Variants in PTPRT observed in about 807,000 individuals in gnomAD.
PTPRT encodes receptor-type tyrosine-protein phosphatase T.
PTPRT carries 56 observed loss-of-function variants against 176.8 expected under a neutral mutation model. The ratio of observed to expected loss-of-function variants is 0.32; its 90% CI spans 0.26 to 0.40. The LOEUF (loss-of-function observed/expected upper bound fraction) is 0.40. Among genes scored for constraint, PTPRT ranks in the 10% least tolerant of loss-of-function variants. PTPRT has a pLI of 1.00. For synonymous variants in PTPRT, 783 were observed against 739.0 expected (o/e 1.06, Z -0.96); for missense variants, 1,540 against 1,908.2 (o/e 0.81, Z 3.60).
At chr20:43,182,965 C>T (rs756345739) in intron 1 of PTPRT, among the ~76,000 whole-genome samples, 2 of 152,152 alleles carry the variant, frequency 1.3e-5, no homozygotes, top group Admixed American at 6.5e-5. Flanking sequence ...CTATTCTCTC[C>T]CCCACAAATC....
chr20:42,243,111 CAG>C (rs375980354), intron 14 of PTPRT, among the ~76,000 whole-genome samples: 5 of 150,792 alleles, frequency 3.3e-5, no homozygotes, highest in South Asian at 2.1e-4. Flanking sequence ...GACAGAGAGA[CAG>C]AGAGAGAGAG....
At chr20:42,592,024 G>T (rs1286698623) in intron 7 of PTPRT, among the ~76,000 whole-genome samples, 1 of 136,128 alleles carries the variant, frequency 7.3e-6, no homozygotes, top group Non-Finnish European at 1.5e-5. Context: ...CTGTTGCCCA[G>T]GCTGGAGTGC....
Position 42,649,728 on chromosome 20 carries a change from T to G in PTPRT, c.1153+28138A>C, listed in dbSNP as rs2074994828. On this transcript the variant is annotated intron_variant, in intron 7 of 30. Coordinates refer to ENST00000373187, the MANE Select transcript of PTPRT (RefSeq NM_007050.6). Reference sequence around the variant, plus strand: ...TTTACTGCAAAAAGTGTTTGCTGGTTGAGAGCAGACATATCCCTCCCTCAA... The same window carrying G: ...TTTACTGCAAAAAGTGTTTGCTGGTGGAGAGCAGACATATCCCTCCCTCAA... Among the ~76,000 whole-genome samples, 3 of 152,288 alleles carry G rather than the reference T, an allele frequency of 2.0e-5. No individual in the cohort carries two copies. The South Asian group carries it at 6.2e-4, about 32-fold the overall frequency.
intron 6 of PTPRT, among the ~76,000 whole-genome samples, chr20:42,682,191 T>C (rs1026702560): frequency 4.6e-5 from 7 of 152,352 alleles, no homozygotes; most frequent in Middle Eastern, 6.8e-3. Flanking sequence ...TATAACCATT[T>C]CTGTATCTTA....
chr20:43,130,543 A>T (rs1345064518), intron 1 of PTPRT, among the ~76,000 whole-genome samples: 1 of 152,206 alleles, frequency 6.6e-6, no homozygotes, highest in African/African-American at 2.4e-5. Flanking sequence ...TGACTTCTGA[A>T]TAGATTCAAT....
downstream of PTPRT, among the ~76,000 whole-genome samples, chr20:42,071,272 A>C (rs894980636): frequency 1.3e-4 from 20 of 152,212 alleles, no homozygotes; most frequent in Admixed American, 1.3e-3. Context: ...CCAAGGAGTC[A>C]GGTTCTAGTT....
intron 2 of PTPRT, among the ~76,000 whole-genome samples, chr20:42,859,427 C>T (rs565712497): frequency 6.6e-6 from 1 of 152,244 alleles, no homozygotes; most frequent in Non-Finnish European, 1.5e-5. Context: ...CAGTGTATGG[C>T]CACCTGGTTG....
chr20:42,302,173 C>A (rs1044835057), intron 12 of PTPRT, among the ~76,000 whole-genome samples: 2 of 152,038 alleles, frequency 1.3e-5, no homozygotes, highest in African/African-American at 4.8e-5. Flanking sequence ...AGCACAAGTG[C>A]CTTAAGGATG....
intron 7 of PTPRT, among the ~76,000 whole-genome samples, chr20:42,659,996 A>G (rs1254900335): frequency 6.6e-6 from 1 of 152,106 alleles, no homozygotes; most frequent in South Asian, 2.1e-4. Flanking sequence ...AGATTTGGGG[A>G]AAATTACTTT....
intron 7 of PTPRT, among the ~76,000 whole-genome samples, chr20:42,627,465 T>C (rs2074314156): frequency 6.6e-6 from 1 of 151,876 alleles, no homozygotes; most frequent in Admixed American, 6.6e-5. Context: ...AGAGATGAGG[T>C]CTCACTGTGT....
chr20:42,993,305 C>T (rs1984027511), intron 1 of PTPRT, among the ~76,000 whole-genome samples: 1 of 149,604 alleles, frequency 6.7e-6, no homozygotes, highest in South Asian at 2.1e-4. Context: ...GTAGTCCTAG[C>T]TACTTGGGAG....
At chr20:42,603,467 C>T (rs78291699) in intron 7 of PTPRT, among the ~76,000 whole-genome samples, 12 of 152,260 alleles carry the variant, frequency 7.9e-5, no homozygotes, top group East Asian at 7.7e-4. Flanking sequence ...AAGGCCAGTA[C>T]GGCTGGAGCA....
intron 12 of PTPRT, among the ~76,000 whole-genome samples, chr20:42,303,555 C>T (rs774706635): frequency 8.2e-4 from 124 of 152,088 alleles, no homozygotes; most frequent in Non-Finnish European, 1.1e-3. Context: ...AACCCCAGCT[C>T]GTTCTCTTGT....
chr20:42,253,627 T>C (rs1175159704), intron 13 of PTPRT, among the ~76,000 whole-genome samples: 1 of 152,120 alleles, frequency 6.6e-6, no homozygotes, highest in Non-Finnish European at 1.5e-5. Context: ...AAATCAGAAT[T>C]GGCATCTAGG....
At chr20:42,531,667 C>T (rs561019168) in intron 7 of PTPRT, among the ~76,000 whole-genome samples, 20 of 152,278 alleles carry the variant, frequency 1.3e-4, no homozygotes, top group Admixed American at 6.5e-4. Flanking sequence ...AGAATAACGC[C>T]ACGTGCAAGC....
At chr20:42,705,513 A>G (rs1221928014) in intron 6 of PTPRT, among the ~76,000 whole-genome samples, 1 of 152,116 alleles carries the variant, frequency 6.6e-6, no homozygotes, top group Non-Finnish European at 1.5e-5. Context: ...CACAAAGTAC[A>G]TTATCACAAG....
At chr20:42,643,399 C>T (rs1238304663) in intron 7 of PTPRT, among the ~76,000 whole-genome samples, 8 of 152,114 alleles carry the variant, frequency 5.3e-5, no homozygotes, top group Admixed American at 5.2e-4. Context: ...CAGCTCACTG[C>T]AGCCTCAACC....
At chr20:42,309,359 G>A (rs373720758) in intron 12 of PTPRT, among the ~76,000 whole-genome samples, 37 of 152,208 alleles carry the variant, frequency 2.4e-4, no homozygotes, top group East Asian at 2.1e-3. Flanking sequence ...GCACCCACCC[G>A]CTGTTTAGAA....
intron 5 of PTPRT, among the ~76,000 whole-genome samples, chr20:42,770,009 G>A (rs1055646476): frequency 6.6e-5 from 10 of 152,274 alleles, no homozygotes; most frequent in African/African-American, 1.9e-4. Flanking sequence ...AACTTTGGAC[G>A]CCATGCAAAT....
Sources: gnomAD v4.1 joint callset for allele counts (sites outside exome capture counted in the v4.1 genomes callset) on GRCh38, gnomAD v4.1.1 for gene constraint, MANE v1.5 for transcripts, NCBI Gene and HGNC (gene_info 2026-07-23, HGNC 2026-07-21) for gene names.